The following BARD1 variants were observed in gnomAD, a reference collection of about 807,000 sequenced individuals.
BARD1 encodes the protein BRCA1 associated RING domain 1, also known as BRCA1-associated RING domain protein 1.
BARD1 carries 73 observed loss-of-function variants against 77.0 expected under a neutral mutation model. The ratio of observed to expected loss-of-function variants is 0.95; its 90% CI spans 0.79 to 1.15. The LOEUF (loss-of-function observed/expected upper bound fraction) is 1.15, where lower values mean the gene tolerates loss of function less well. Among genes scored for constraint, BARD1 ranks in the 50% most tolerant of loss-of-function variants. BARD1 has a pLI of 0.00. For synonymous variants in BARD1, 384 were observed against 338.0 expected (o/e 1.14, Z -1.49); for missense variants, 993 against 938.8 (o/e 1.06, Z -0.75).
At chr2:214,743,430 A>G (rs796845268) in intron 9 of BARD1, among the ~76,000 whole-genome samples, 13 of 152,342 alleles carry the variant, frequency 8.5e-5, no homozygotes, top group African/African-American at 3.1e-4. Context: ...ATCTTATTTA[A>G]AAATAATTAT....
At chr2:214,735,801 G>A (rs1220712436) in intron 9 of BARD1, among the ~76,000 whole-genome samples, 1 of 152,094 alleles carries the variant, frequency 6.6e-6, no homozygotes, top group Non-Finnish European at 1.5e-5. Flanking sequence ...AAGGTCAGAA[G>A]ACTAACAACT....
chr2:214,729,082 A>G (rs1242779409), intron 10 of BARD1, 74 bp from the exon 11 acceptor site: 1 of 1,402,056 alleles, frequency 7.1e-7, no homozygotes, highest in Non-Finnish European at 9.9e-7. Flanking sequence ...ATGAATGAGG[A>G]AAATAAAAAT....
chr2:214,750,419 T>C (rs919768294), intron 7 of BARD1, among the ~76,000 whole-genome samples: 1 of 152,174 alleles, frequency 6.6e-6, no homozygotes, highest in Admixed American at 6.5e-5. Flanking sequence ...GAATCCCTCT[T>C]AAACACACGT....
chr2:214,754,492 A>G (rs184272978), intron 6 of BARD1, among the ~76,000 whole-genome samples: 1 of 152,258 alleles, frequency 6.6e-6, no homozygotes, highest in Admixed American at 6.5e-5. Flanking sequence ...TAGCATAGTT[A>G]TTTTACACAT....
chr2:214,779,730 G>A (rs1694891282), intron 4 of BARD1, among the ~76,000 whole-genome samples: 1 of 152,170 alleles, frequency 6.6e-6, no homozygotes, highest in Non-Finnish European at 1.5e-5. Flanking sequence ...CCATCCAGAA[G>A]ACCAAAGGAT....
chr2:214,780,594 C>A lies in BARD1; in HGVS notation c.1280G>T (p.Arg427Ile), dbSNP rs876660639. The change falls in exon 4 of 11, where the codon AGA (arginine) becomes ATA (isoleucine). Residue 427 changes from arginine to isoleucine, a missense_variant. Physicochemically the swap from Arg to Ile is moderately conservative, Grantham distance 97 (BLOSUM62 -3). Transcript: ENST00000260947. ...LPNMAVKRNH[R>I]GETLLHIASI... ...AGCAATATGGAGCAAAGTCTCTCCTCTATGATTTCTTTTCACAGCCATATT... is the reference window on the plus strand; with the variant it reads ...AGCAATATGGAGCAAAGTCTCTCCTATATGATTTCTTTTCACAGCCATATT... 6.2e-7 allele frequency: 1 copy of A among 1,614,020 alleles called. No individual in the cohort carries two copies. Among genetic ancestry groups the A allele is most frequent in the Non-Finnish European group, 8.5e-7 (1 of 1,179,954 alleles).
chr2:214,769,116 T>C (rs1694351220), intron 5 of BARD1, 116 bp downstream of exon 5: 1 of 838,818 alleles, frequency 1.2e-6, no homozygotes, highest in Non-Finnish European at 1.9e-6. Context: ...AAAACATAAG[T>C]TCTTCAGACT....
At chr2:214,751,135 A>G (rs1559392991) in intron 7 of BARD1, among the ~76,000 whole-genome samples, 15 of 16,882 alleles carry the variant, frequency 8.9e-4, no homozygotes, top group South Asian at 3.1e-3. Flanking sequence ...ATATATATAT[A>G]TATATATATA....
At chr2:214,755,092 T>C (rs1443829622) in intron 6 of BARD1, among the ~76,000 whole-genome samples, 1 of 152,146 alleles carries the variant, frequency 6.6e-6, no homozygotes, top group Non-Finnish European at 1.5e-5. Context: ...AAAAATCAAT[T>C]TAAAATACAC....
chr2:214,771,830 A>G (rs1694506348), intron 4 of BARD1, among the ~76,000 whole-genome samples: 1 of 151,952 alleles, frequency 6.6e-6, no homozygotes, highest in Non-Finnish European at 1.5e-5. Context: ...CTCATGCAAC[A>G]TACATTTTTA....
chr2:214,784,151 T>C (rs1695164781), intron 3 of BARD1, among the ~76,000 whole-genome samples: 1 of 152,104 alleles, frequency 6.6e-6, no homozygotes, highest in Non-Finnish European at 1.5e-5. Context: ...AAAGGACTAA[T>C]ATCCAGAATC....
intron 6 of BARD1, among the ~76,000 whole-genome samples, chr2:214,759,106 G>C (rs1429400447): frequency 6.6e-6 from 1 of 152,066 alleles, no homozygotes; most frequent in African/African-American, 2.4e-5. Flanking sequence ...CTAGCAACAT[G>C]GGTTTTTAAA....
At chr2:214,806,892 A>AAAG (rs58195534) in intron 1 of BARD1, among the ~76,000 whole-genome samples, 4 of 149,960 alleles carry the variant, frequency 2.7e-5, no homozygotes, top group Non-Finnish European at 5.9e-5. Flanking sequence ...AAAAAAAAAA[A>AAAG]GGCACCCCAT....
At chr2:214,763,411 GGCAAAGGA>G (rs1367282115) in intron 6 of BARD1, among the ~76,000 whole-genome samples, 37 of 152,240 alleles carry the variant, frequency 2.4e-4, no homozygotes, top group Non-Finnish European at 2.9e-4. Flanking sequence ...GGGATGATGA[GGCAAAGGA>G]GCAATGGAGG....
chr2:214,742,245 A>C (rs1489588016), intron 9 of BARD1, among the ~76,000 whole-genome samples: 2 of 152,210 alleles, frequency 1.3e-5, no homozygotes, highest in Non-Finnish European at 1.5e-5. Context: ...AATCAAACTG[A>C]GCCAGGTGCA....
In BARD1 at chr2:214,787,266, G is replaced by A. The variant is rs1167338970; in HGVS notation, c.364+5031C>T. 2.6e-5 allele frequency among the ~76,000 whole-genome samples: 4 copies of A among 151,646 alleles called. No homozygotes were observed. In the East Asian group the frequency reaches 5.8e-4, roughly 22 times the overall value. ...TAAAAAGAAGAAATTTCATACTCAG[G>A]TGTACATATTTCCTACCTTATAAAT... On this transcript the variant is annotated intron_variant, in intron 3 of 10. Transcript: ENST00000260947.
chr2:214,773,326 T>C (rs1359498306), intron 4 of BARD1, among the ~76,000 whole-genome samples: 1 of 152,186 alleles, frequency 6.6e-6, no homozygotes, highest in Non-Finnish European at 1.5e-5. Context: ...AGCCTTTCCA[T>C]GTAAATGAAC....
At chr2:214,765,453 C>G (rs1034739685) in intron 6 of BARD1, among the ~76,000 whole-genome samples, 12 of 152,156 alleles carry the variant, frequency 7.9e-5, no homozygotes, top group African/African-American at 2.7e-4. Flanking sequence ...AGGCATCACC[C>G]ATGTTTTATA....
intron 10 of BARD1, among the ~76,000 whole-genome samples, chr2:214,729,536 T>C (rs1345856177): frequency 1.3e-5 from 2 of 152,262 alleles, no homozygotes; most frequent in Non-Finnish European, 1.5e-5. Context: ...CTTAGGCAAA[T>C]AGGGGCTTCC....
Sources: gnomAD v4.1 joint callset for allele counts (sites outside exome capture counted in the v4.1 genomes callset) on GRCh38, gnomAD v4.1.1 for gene constraint, MANE v1.5 for transcripts, NCBI Gene and HGNC (gene_info 2026-07-23, HGNC 2026-07-21) for gene names.